The following ITIH1 variants were observed in gnomAD, a reference collection of about 807,000 sequenced individuals.
The protein encoded by ITIH1 is inter-alpha-trypsin inhibitor heavy chain H1.
In ITIH1, 94 loss-of-function variants were observed where a neutral mutation model predicts 104.6. The observed-to-expected ratio is 0.90, with a 90% CI of 0.76 to 1.07. The LOEUF (loss-of-function observed/expected upper bound fraction) is 1.07, where lower values mean the gene tolerates loss of function less well. ITIH1 is among the 50% of genes least tolerant of loss of function. The probability of loss-of-function intolerance (pLI) is 0.00; values close to 1 mark genes in which losing one functional copy is unlikely to be tolerated. For synonymous variants in ITIH1, 455 were observed against 464.4 expected, an observed-to-expected ratio of 0.98 and a Z score of 0.26; for missense variants, 1,193 against 1,181.4, an observed-to-expected ratio of 1.01 and a Z score of -0.14.
rs1293340114 is a variant in ITIH1, at chr3:52,786,314, T to C, written c.1613T>C (p.Ile538Thr). The C allele has an allele frequency of 1.9e-6, 3 of 1,571,566 alleles. No homozygotes were observed. Among genetic ancestry groups the C allele is most frequent in the South Asian group, 1.2e-5 (1 of 85,462 alleles). Residue 538 changes from isoleucine to threonine, a missense_variant, in exon 13 of 22, where the codon ATA (isoleucine) becomes ACA (threonine). By Grantham distance (89) the Ile-to-Thr change is moderately conservative. Transcript: ENST00000273283. Reference sequence around the variant, plus strand: ...TCTCAGGAGGGACAAGAATTCAGTATAACCTGCCTAGTGGATGAGGAGGAG... The same window carrying C: ...TCTCAGGAGGGACAAGAATTCAGTACAACCTGCCTAGTGGATGAGGAGGAG... The part of the protein sequence containing the change: ...QAHGEGQEFS[I>T]TCLVDEEEMK...
chr3:52,782,172 C>A lies in ITIH1; in HGVS notation c.835C>A (p.His279Asn). The change falls in exon 8 of 22, where the codon CAC (histidine) becomes AAC (asparagine). Residue 279 changes from histidine (H) to asparagine (N), a missense_variant. Transcript: ENST00000273283. ...DLLVANNHFA[H>N]FFAPQNLTNM... ...TCAGGTGGCCAATAACCACTTTGCC[C>A]ACTTCTTTGCCCCCCAAAACCTGAC... 6.2e-7 allele frequency: 1 copy of A among 1,614,164 alleles called. No homozygotes were observed. Among genetic ancestry groups the A allele is most frequent in the African/African-American group, 1.3e-5 (1 of 75,048 alleles).
Position 52,780,378 on chromosome 3 carries a change from A to C in ITIH1, c.683A>C (p.Lys228Thr). The change falls in exon 6 of 22, where the codon AAA becomes ACA. Residue 228 changes from lysine to threonine, a missense_variant. By Grantham distance (78) the Lys-to-Thr change is moderately conservative. Transcript: ENST00000273283. ...AQTIKKSFSG[K>T]KGHVLFRPTV... is the part of the protein sequence containing the mutation. ...ACTATCAAGAAGTCCTTCTCAGGAAAAAAGGTACATGGGATAGCAAGGGGG... is the reference window on the plus strand; with the variant it reads ...ACTATCAAGAAGTCCTTCTCAGGAACAAAGGTACATGGGATAGCAAGGGGG... The C allele has an allele frequency of 6.2e-7, 1 of 1,611,826 alleles. No individual in the cohort carries two copies. The highest frequency in any genetic ancestry group is 8.5e-7 in the Non-Finnish European group (1 of 1,178,240).
At chr3:52,782,433 C>T (rs755995099) in intron 8 of ITIH1, among the ~76,000 whole-genome samples, 166 bp downstream of exon 8, 16 of 152,208 alleles carry the variant, frequency 1.1e-4, no homozygotes, top group Admixed American at 2.0e-4. Context: ...GAATCAGCAT[C>T]GCTTCCTCAC....
At position 52,791,918 on chromosome 3, in the gene ITIH1, T is replaced by C; in HGVS notation, c.*7T>C. ...CGTCCCCGACATCTTCTGAGCCCTC[T>C]GGCCAGCACGCCTGTCCTCCCCCGG... On this transcript the variant is annotated 3_prime_UTR_variant, in exon 22 of 22. Coordinates refer to ENST00000273283, the MANE Select transcript of ITIH1 (RefSeq NM_002215.4). The C allele has an allele frequency of 1.2e-6, 2 of 1,608,662 alleles. No individual in the cohort carries two copies. Among genetic ancestry groups the C allele is most frequent in the Non-Finnish European group, 1.7e-6 (2 of 1,176,868 alleles).
In ITIH1 at chr3:52,778,974, T is replaced by A. The variant is rs1698973781; in HGVS notation, c.338T>A (p.Ile113Lys). 6.2e-7 allele frequency: 1 copy of A among 1,613,774 alleles called. No homozygotes were observed. The highest frequency in any genetic ancestry group is 1.1e-5 in the South Asian group (1 of 91,084). Reference sequence around the variant, plus strand: ...GATGGAAACGCATTTATCGGAGACATAAAGGACAAGGTGACTGCATGGAAG... The same window carrying A: ...GATGGAAACGCATTTATCGGAGACAAAAAGGACAAGGTGACTGCATGGAAG... Reference protein sequence around the residue: ...TADGNAFIGDIKDKVTAWKQY... With the variant: ...TADGNAFIGDKKDKVTAWKQY... The change falls in exon 4 of 22, where the codon ATA becomes AAA. Residue 113 changes from isoleucine to lysine, a missense_variant. Ile to Lys is a moderately radical substitution (Grantham distance 102, BLOSUM62 -3). Coordinates refer to ENST00000273283, the MANE Select transcript of ITIH1 (RefSeq NM_002215.4).
At position 52,779,609 on chromosome 3, in the gene ITIH1, C is replaced by T; in HGVS notation, c.573+15C>T. 1 of 1,613,942 alleles carries T rather than the reference C, an allele frequency of 6.2e-7. No homozygotes were observed. The highest frequency in any genetic ancestry group is 8.5e-7 in the Non-Finnish European group (1 of 1,179,886). On this transcript the variant is annotated intron_variant, in intron 5 of 21. Transcript: ENST00000273283. The surrounding 1 kb of genome is among the most constrained non-coding windows in gnomAD (Gnocchi z 4.4). ...ATCATTTTGAGGTAGATCACAGGTC[C>T]CGGGGCAGGGGTCCTGCCCCTCTCT... is the stretch of plus-strand genomic sequence containing the variant.
At chr3:52,788,615 C>T (rs1699267732) in intron 18 of ITIH1, among the ~76,000 whole-genome samples, 1 of 149,234 alleles carries the variant, frequency 6.7e-6, no homozygotes, top group South Asian at 2.1e-4. Flanking sequence ...GGCTGGAGTA[C>T]AGTGGCGTTA....
In ITIH1 at chr3:52,790,752, G is replaced by C. The variant is rs754230390; in HGVS notation, c.2325G>C (p.Val775=). Residue 775 remains valine, a synonymous_variant, in exon 20 of 22, where the codon GTG becomes GTC. Transcript: ENST00000273283. The part of the protein sequence containing the change: ...RDQAVLRQDG[V]VVTINKKRNL... ...TCTCGGCCACCTGGCTCTGCAGGGT[G>C]GTGGTGACCATCAACAAGAAGAGGA... 1.2e-5 allele frequency: 20 copies of C among 1,612,422 alleles called. No individual in the cohort carries two copies. Among genetic ancestry groups the C allele is most frequent in the Non-Finnish European group, 1.5e-5 (18 of 1,179,420 alleles).
Position 52,779,166 on chromosome 3 carries a change from T to A in ITIH1, c.410+120T>A. 1.2e-6 allele frequency: 1 copy of A among 802,292 alleles called. No homozygotes were observed. Among genetic ancestry groups the A allele is most frequent in the Non-Finnish European group, 2.2e-6 (1 of 463,492 alleles). 49.7% of individuals were successfully genotyped at this position (802,292 alleles called of 1,614,324 possible). A position where few individuals can be genotyped will look rare whatever the true frequency, so the allele number is the denominator to read the frequency against. The stretch of plus-strand genomic sequence containing the variant: ...CAGGATGATGGAAGGGTAAGCAAAC[T>A]GCCCAAACCCAGATGCCAGCACGGT... On this transcript the variant is annotated intron_variant, in intron 4 of 21. Transcript: ENST00000273283. The surrounding 1 kb of genome is among the most constrained non-coding windows in gnomAD (Gnocchi z 4.4).
chr3:52,783,056 C>T lies in ITIH1; in HGVS notation c.1030C>T (p.Leu344=), dbSNP rs1000602973. 1.2e-6 allele frequency: 2 copies of T among 1,613,950 alleles called. No homozygotes were observed. The highest frequency in any genetic ancestry group is 1.3e-5 in the African/African-American group (1 of 74,880). Residue 344 remains leucine, a synonymous_variant, in exon 9 of 22, where the codon CTG becomes TTG. Transcript: ENST00000273283. ...GTRVQSWKGS[L]VQASEANLQA... ...TCGAGTACAATCGTGGAAGGGCTCG[C>T]TGGTGCAAGCATCTGAGGCCAACCT...
Position 52,779,481 on chromosome 3 carries a change from C to A in ITIH1, c.460C>A (p.Pro154Thr), listed in dbSNP as rs756832122. The part of the protein sequence containing the change: ...EQFTIHLTVN[P>T]QSKVTFQLTY... ...ATTCACCATCCACCTCACCGTCAAT[C>A]CCCAGAGCAAGGTCACGTTTCAGCT... Residue 154 changes from proline to threonine, a missense_variant, in exon 5 of 22, where the codon CCC becomes ACC. Pro to Thr is a conservative substitution (Grantham distance 38). Transcript: ENST00000273283. The surrounding 1 kb of genome is among the most constrained non-coding windows in gnomAD (Gnocchi z 4.4). 4 of 1,614,132 alleles carry A rather than the reference C, an allele frequency of 2.5e-6. No individual in the cohort carries two copies. The highest frequency in any genetic ancestry group is 3.4e-6 in the Non-Finnish European group (4 of 1,180,058).
intron 5 of ITIH1, 71 bp from the exon 6 acceptor site, chr3:52,780,198 G>A: frequency 7.8e-7 from 1 of 1,290,222 alleles, no homozygotes; most frequent in Non-Finnish European, 1.1e-6. Context: ...CCAGGAGTTT[G>A]AGGCCAGCCT....
chr3:52,780,502 G>A, intron 6 of ITIH1, 120 bp downstream of exon 6: 2 of 657,860 alleles, frequency 3.0e-6, no homozygotes, highest in Non-Finnish European at 2.7e-6. Flanking sequence ...CTGCCCTCAG[G>A]ATGAGAGAAG....
Position 52,788,226 on chromosome 3 carries a change from C to A in ITIH1, c.2006-6C>A. On this transcript the variant is annotated splice_region_variant and splice_polypyrimidine_tract_variant and intron_variant, in intron 17 of 21. Transcript: ENST00000273283. Reference sequence around the variant, plus strand: ...CAATCTAACGAATTCCATGCTGTGCCCCCAGTGGACACAGACCCTCACTTC... The same window carrying A: ...CAATCTAACGAATTCCATGCTGTGCACCCAGTGGACACAGACCCTCACTTC... The A allele has an allele frequency of 1.9e-6, 3 of 1,601,052 alleles. No individual in the cohort carries two copies. Among genetic ancestry groups the A allele is most frequent in the Non-Finnish European group, 2.6e-6 (3 of 1,170,376 alleles).
intron 19 of ITIH1, chr3:52,790,205 G>T: frequency 2.7e-6 from 1 of 365,072 alleles, no homozygotes; most frequent in Non-Finnish European, 5.1e-6. Flanking sequence ...GATTTCTCTG[G>T]GCTTCTCATT....
Position 52,780,378 on chromosome 3 carries a change from A to T in ITIH1, c.683A>T (p.Lys228Ile). The part of the protein sequence containing the change: ...AQTIKKSFSG[K>I]KGHVLFRPTV... ...ACTATCAAGAAGTCCTTCTCAGGAA[A>T]AAAGGTACATGGGATAGCAAGGGGG... Residue 228 changes from lysine to isoleucine, a missense_variant, in exon 6 of 22, where the codon AAA becomes ATA. Physicochemically the swap from Lys to Ile is moderately radical, Grantham distance 102. Coordinates refer to ENST00000273283, the MANE Select transcript of ITIH1 (RefSeq NM_002215.4). The T allele has an allele frequency of 6.2e-7, 1 of 1,611,826 alleles. No individual in the cohort carries two copies. Among genetic ancestry groups the T allele is most frequent in the East Asian group, 2.2e-5 (1 of 44,864 alleles).
At chr3:52,777,845 C>G in intron 1 of ITIH1, 113 bp downstream of exon 1, 1 of 1,336,464 alleles carries the variant, frequency 7.5e-7, no homozygotes, top group Non-Finnish European at 1.1e-6. Flanking sequence ...ACCTCCACCA[C>G]TTCTGAGTGG....
chr3:52,780,151 G>A, intron 5 of ITIH1, 118 bp from the exon 6 acceptor site: 2 of 950,928 alleles, frequency 2.1e-6, no homozygotes, highest in Non-Finnish European at 1.6e-6. Context: ...TATAATCCCA[G>A]CTACGTGGGA....
Position 52,785,096 on chromosome 3 carries a change from A to G in ITIH1, c.1460A>G (p.Tyr487Cys), listed in dbSNP as rs1306066109. 6.2e-7 allele frequency: 1 copy of G among 1,613,962 alleles called. No individual in the cohort carries two copies. The highest frequency in any genetic ancestry group is 1.1e-5 in the South Asian group (1 of 91,068). Residue 487 changes from tyrosine (Y) to cysteine (C), a missense_variant, in exon 12 of 22, where the codon TAC (tyrosine) becomes TGC (cysteine). Transcript: ENST00000273283. ...CTGCTGGTGGATGTGGATTTGCAGT[A>G]CCCCCAGGATGCTGTCTTGGCCCTG... is the stretch of plus-strand genomic sequence containing the variant. The part of the protein sequence containing the change: ...KPLLVDVDLQ[Y>C]PQDAVLALTQ...
Sources: allele counts gnomAD v4.1 joint callset (sites outside exome capture counted in the v4.1 genomes callset), GRCh38; gene constraint gnomAD v4.1.1; non-coding constraint Gnocchi (gnomAD v3.1); transcripts MANE v1.5; gene names NCBI Gene and HGNC (gene_info 2026-07-23, HGNC 2026-07-21).